ZMAT5: variants seen among roughly 807,000 people sequenced by gnomAD.
ZMAT5 encodes the protein zinc finger matrin-type 5.
ZMAT5 carries 23 observed loss-of-function variants against 28.0 expected under a neutral mutation model. That is an observed-to-expected ratio of 0.82 (90% confidence interval 0.59 to 1.16). The LOEUF (loss-of-function observed/expected upper bound fraction) is 1.16. ZMAT5 is among the 50% of genes most tolerant of loss of function. The probability of loss-of-function intolerance (pLI) is 0.00; values close to 1 mark genes in which losing one functional copy is unlikely to be tolerated. For synonymous variants in ZMAT5, 76 were observed against 84.1 expected (o/e 0.90, Z 0.52); for missense variants, 173 against 212.7 (o/e 0.81, Z 1.16).
At chr22:29,740,272 G>A (rs192719552) in intron 4 of ZMAT5, among the ~76,000 whole-genome samples, 1 of 152,264 alleles carries the variant, frequency 6.6e-6, no homozygotes, top group East Asian at 1.9e-4. Context: ...CTTATCCCTA[G>A]ACTGTCGTAA....
chr22:29,751,617 C>T (rs2147230220), intron 1 of ZMAT5, among the ~76,000 whole-genome samples: 1 of 152,298 alleles, frequency 6.6e-6, no homozygotes, highest in Admixed American at 6.5e-5. Context: ...TAGCCAAGGT[C>T]ACACTGCTAG....
chr22:29,748,254 C>A (rs1236432509), intron 2 of ZMAT5, 164 bp downstream of exon 2: 1 of 949,854 alleles, frequency 1.1e-6, no homozygotes. Flanking sequence ...AAAGAGCTCA[C>A]CTACCAGCCT....
At chr22:29,732,520 G>A (rs1252333411) in intron 5 of ZMAT5, among the ~76,000 whole-genome samples, 1 of 152,042 alleles carries the variant, frequency 6.6e-6, no homozygotes, top group Admixed American at 6.5e-5. Context: ...GGTGGATCAC[G>A]AGATCAGGAG....
chr22:29,749,129 G>A (rs539454297), intron 1 of ZMAT5, among the ~76,000 whole-genome samples: 10 of 152,168 alleles, frequency 6.6e-5, no homozygotes, highest in Non-Finnish European at 1.5e-4. Flanking sequence ...CCAGGGTGGA[G>A]TGCAGTGGTG....
At position 29,731,236 on chromosome 22, in the gene ZMAT5, G is replaced by A; in HGVS notation, c.502C>T (p.Gln168Ter). ...PGGWPLQPRV[Q>*]WG ...CGGGGGCAAGGGGCTCAGCCCCACT[G>A]GACTCTGGGCTGCAGAGGCCACCCC... The change falls in exon 6 of 6, where the codon CAG (glutamine) becomes TAG (stop). Residue 168 changes from glutamine (Q) to a stop codon, truncating the protein, a stop_gained. Transcript: ENST00000344318. LOFTEE classifies it high-confidence loss of function. 2 of 1,504,868 alleles carry A rather than the reference G, an allele frequency of 1.3e-6. No individual in the cohort carries two copies. The highest frequency in any genetic ancestry group is 1.8e-6 in the Non-Finnish European group (2 of 1,139,638). The allele number at this position is 1,504,868 out of a possible 1,614,324, so 93.2% of individuals were successfully genotyped here. A position where few individuals can be genotyped will look rare whatever the true frequency, so the allele number is the denominator to read the frequency against.
At chr22:29,741,949 C>T (rs535487041) in intron 3 of ZMAT5, among the ~76,000 whole-genome samples, 14 of 152,274 alleles carry the variant, frequency 9.2e-5, no homozygotes, top group Admixed American at 3.9e-4. Flanking sequence ...GCACCATGCT[C>T]GGCCCTTTAT....
At chr22:29,766,270 T>C (rs2068211163) in intron 1 of ZMAT5, among the ~76,000 whole-genome samples, 1 of 152,212 alleles carries the variant, frequency 6.6e-6, no homozygotes, top group East Asian at 1.9e-4. Flanking sequence ...CCCAGGACTG[T>C]AGCTGCCTCA....
At chr22:29,751,769 C>T (rs911268932) in intron 1 of ZMAT5, among the ~76,000 whole-genome samples, 2 of 152,166 alleles carry the variant, frequency 1.3e-5, no homozygotes, top group Non-Finnish European at 2.9e-5. Context: ...GAGTTCAAGA[C>T]CAGCCTGGGC....
chr22:29,738,906 G>T (rs2067934237), intron 4 of ZMAT5, among the ~76,000 whole-genome samples: 1 of 152,120 alleles, frequency 6.6e-6, no homozygotes, highest in Non-Finnish European at 1.5e-5. Flanking sequence ...AGCTACTTGG[G>T]AGACTGAGGC....
At chr22:29,738,232 G>A (rs1246927890) in intron 5 of ZMAT5, 98 bp downstream of exon 5, 1 of 1,200,552 alleles carries the variant, frequency 8.3e-7, no homozygotes, top group Non-Finnish European at 1.2e-6. Flanking sequence ...CCCTGGGCCT[G>A]GGCAGTTCAT....
intron 5 of ZMAT5, among the ~76,000 whole-genome samples, chr22:29,733,982 C>T (rs187854603): frequency 2.7e-3 from 413 of 152,270 alleles, no homozygotes; most frequent in African/African-American, 9.2e-3. Context: ...TTGTCCTGTG[C>T]GTGAGGACAG....
chr22:29,731,137 C>T lies in ZMAT5; in HGVS notation c.*88G>A. 1 of 1,376,230 alleles carries T rather than the reference C, an allele frequency of 7.3e-7. No individual in the cohort carries two copies. Among genetic ancestry groups the T allele is most frequent in the Non-Finnish European group, 9.5e-7 (1 of 1,049,836 alleles). 85.3% of individuals were successfully genotyped at this position (1,376,230 alleles called of 1,614,324 possible). ...GGCTGGGCAGATGGTCTCGGAGCCT[C>T]CATGGGGCGTAGCAGGAACCGGGCT... is the stretch of plus-strand genomic sequence containing the variant. On this transcript the variant is annotated 3_prime_UTR_variant, in exon 6 of 6. Coordinates refer to ENST00000344318, the MANE Select transcript of ZMAT5 (RefSeq NM_001003692.2).
At chr22:29,766,731 C>T (rs981747939) in intron 1 of ZMAT5, 141 bp downstream of exon 1, 3 of 152,468 alleles carry the variant, frequency 2.0e-5, no homozygotes, top group Non-Finnish European at 4.4e-5. Flanking sequence ...GCCGCAGGCT[C>T]CAGCTCCTGG....
chr22:29,745,252 G>T (rs990152035), intron 2 of ZMAT5, among the ~76,000 whole-genome samples: 2 of 152,186 alleles, frequency 1.3e-5, no homozygotes, highest in African/African-American at 4.8e-5. Context: ...CTGAGGTGGT[G>T]GGGGGGCCTG....
rs536857564 is a variant in ZMAT5 at position 29,754,538 on chromosome 22, T to A, written c.-27-5967A>T. Among the ~76,000 whole-genome samples the A allele has an allele frequency of 1.4e-3, 218 of 152,284 alleles. 2 individuals carry two copies. Among genetic ancestry groups the A allele is most frequent in the African/African-American group, 5.2e-3 (214 of 41,550 alleles). On this transcript the variant is annotated intron_variant, in intron 1 of 5. Transcript: ENST00000344318. ...TCTATTCTTAGCTATAAAATATGGA[T>A]CCCACAGCTGCTGAGGTTTACCGAG...
intron 2 of ZMAT5, among the ~76,000 whole-genome samples, chr22:29,744,899 T>G (rs2067995814): frequency 6.6e-6 from 1 of 152,224 alleles, no homozygotes; most frequent in Non-Finnish European, 1.5e-5. Flanking sequence ...AAGCCCATGC[T>G]CTTGCAGTGG....
intron 5 of ZMAT5, 76 bp from the exon 6 acceptor site, chr22:29,731,430 C>T: frequency 3.3e-6 from 5 of 1,499,538 alleles, no homozygotes; most frequent in Non-Finnish European, 4.4e-6. Flanking sequence ...GCCCACCTGC[C>T]TCACCACCCT....
At position 29,763,762 on chromosome 22, in the gene ZMAT5, T is replaced by C. The variant is rs144063162; in HGVS notation, c.-28+3110A>G. ...ACATGGTGACACCCCTAAATTTTTT[T>C]AGTCTTTACAAAAAATCTATAAGAA... is the stretch of plus-strand genomic sequence containing the variant. On this transcript the variant is annotated intron_variant, in intron 1 of 5. Coordinates refer to ENST00000344318, the MANE Select transcript of ZMAT5 (RefSeq NM_001003692.2). Among the ~76,000 whole-genome samples, 1,154 of 152,228 alleles carry C rather than the reference T, an allele frequency of 7.6e-3. 13 individuals carry two copies. The highest frequency in any genetic ancestry group is 0.037 in the Middle Eastern group (11 of 294).
intron 1 of ZMAT5, among the ~76,000 whole-genome samples, chr22:29,765,785 T>C (rs2068203673): frequency 6.6e-6 from 1 of 152,202 alleles, no homozygotes; most frequent in South Asian, 2.1e-4. Context: ...GGAGAATCAC[T>C]TGAACCCGGG....
Sources: allele counts gnomAD v4.1 joint callset (sites outside exome capture counted in the v4.1 genomes callset), GRCh38; gene constraint gnomAD v4.1.1; transcripts MANE v1.5; gene names NCBI Gene and HGNC (gene_info 2026-07-23, HGNC 2026-07-21).